The following TTC6 variants were observed in gnomAD, a reference collection of about 807,000 sequenced individuals.
TTC6 encodes the protein tetratricopeptide repeat domain 6, also known as tetratricopeptide repeat protein 6.
A neutral mutation model predicts 210.4 loss-of-function variants in TTC6; 172 were observed. The ratio of observed to expected loss-of-function variants is 0.82; its 90% confidence interval spans 0.72 to 0.93. The LOEUF (loss-of-function observed/expected upper bound fraction) is 0.93. TTC6 is among the 40% of genes least tolerant of loss of function. The pLI is 0.00. For synonymous variants in TTC6, 804 were observed against 819.6 expected, an observed-to-expected ratio of 0.98 and a Z score of 0.32; for missense variants, 2,414 against 2,318.1, an observed-to-expected ratio of 1.04 and a Z score of -0.85.
intron 2 of TTC6, among the ~76,000 whole-genome samples, chr14:37,612,125 C>G (rs574662789): frequency 6.6e-5 from 10 of 152,094 alleles, no homozygotes; most frequent in Non-Finnish European, 1.3e-4. Context: ...TACAGGCATA[C>G]AATTTGATGA....
At chr14:37,842,221 G>A in exon 31 of TTC6, 1 of 1,609,688 alleles carries the variant, frequency 6.2e-7, no homozygotes, top group Non-Finnish European at 8.5e-7. Context: ...GGTAAAATAG[G>A]TCTGATTGAG....
chr14:37,735,854 A>G, intron 7 of TTC6, 67 bp from the exon 10 acceptor site: 2 of 887,472 alleles, frequency 2.3e-6, no homozygotes, highest in Non-Finnish European at 3.4e-6. Flanking sequence ...CTATGAAGTA[A>G]CAGTCATCAT....
chr14:37,630,907 G>GTTTTTTTT (rs746429138), intron 1 of TTC6, among the ~76,000 whole-genome samples: 1 of 33,068 alleles, frequency 3.0e-5, no homozygotes, highest in Non-Finnish European at 5.1e-5. Context: ...GGCAACCCCT[G>GTTTTTTTT]TTTTTTTTTT....
intron 10 of TTC6, among the ~76,000 whole-genome samples, chr14:37,741,433 C>T (rs1397771488): frequency 6.0e-5 from 9 of 151,056 alleles, no homozygotes; most frequent in South Asian, 4.2e-4. Flanking sequence ...GGAGTACAGG[C>T]GTGTGCCACC....
chr14:37,784,084 G>A (rs1227710323), intron 14 of TTC6, among the ~76,000 whole-genome samples: 1 of 152,184 alleles, frequency 6.6e-6, no homozygotes, highest in African/African-American at 2.4e-5. Flanking sequence ...GTCCGATGTG[G>A]TGCTGAGAAG....
At chr14:37,827,221 C>G in exon 29 of TTC6, 1 of 1,612,584 alleles carries the variant, frequency 6.2e-7, no homozygotes. Flanking sequence ...GAATTCTTAA[C>G]AAATCGTGGG....
At chr14:37,653,969 T>A (rs542893975) in intron 1 of TTC6, among the ~76,000 whole-genome samples, 8 of 152,354 alleles carry the variant, frequency 5.3e-5, no homozygotes, top group African/African-American at 1.9e-4. Flanking sequence ...ATGTCCAAAG[T>A]AAACTTCCTT....
At chr14:37,842,513 C>T (rs1375900258), downstream of TTC6, 3 of 339,374 alleles carry the variant, frequency 8.8e-6, no homozygotes, top group African/African-American at 6.3e-5. Flanking sequence ...TGAATTTTTC[C>T]AAGGTTGCAG....
At chr14:37,770,479 G>T (rs902953297) in intron 14 of TTC6, among the ~76,000 whole-genome samples, 1 of 151,476 alleles carries the variant, frequency 6.6e-6, no homozygotes, top group Non-Finnish European at 1.5e-5. Flanking sequence ...TTATGAATCT[G>T]GGTGCTCCTG....
At chr14:37,768,388 G>T (rs1328255866) in intron 14 of TTC6, among the ~76,000 whole-genome samples, 1 of 151,644 alleles carries the variant, frequency 6.6e-6, no homozygotes, top group African/African-American at 2.4e-5. Flanking sequence ...AAATTACCTT[G>T]GGAAGTATGG....
At chr14:37,703,869 A>T (rs1197892307) in intron 5 of TTC6, among the ~76,000 whole-genome samples, 1 of 152,156 alleles carries the variant, frequency 6.6e-6, no homozygotes, top group Non-Finnish European at 1.5e-5. Context: ...TTTAGTTCAA[A>T]TTTTTGGTAT....
chr14:37,805,349 G>A (rs2096115828), intron 21 of TTC6, among the ~76,000 whole-genome samples: 1 of 151,236 alleles, frequency 6.6e-6, no homozygotes, highest in South Asian at 2.1e-4. Context: ...TCACTGATAT[G>A]ACAAATATGT....
At chr14:37,759,209 G>A (rs961692207) in intron 14 of TTC6, among the ~76,000 whole-genome samples, 1 of 150,150 alleles carries the variant, frequency 6.7e-6, no homozygotes, top group African/African-American at 2.5e-5. Context: ...GTTGCAATGA[G>A]CCGAGATCGC....
At chr14:37,680,189 A>G in exon 2 of TTC6, 1 of 1,533,928 alleles carries the variant, frequency 6.5e-7, no homozygotes, top group Non-Finnish European at 8.7e-7. Context: ...TCAAAACATC[A>G]CCTATGCAAG....
intron 14 of TTC6, among the ~76,000 whole-genome samples, chr14:37,784,276 A>G (rs1342337942): frequency 3.9e-5 from 6 of 152,148 alleles, no homozygotes; most frequent in Non-Finnish European, 5.9e-5. Context: ...GTAGGTCTCT[A>G]AGGACTTGCT....
intron 29 of TTC6, among the ~76,000 whole-genome samples, chr14:37,833,074 T>C (rs989620068): frequency 2.4e-5 from 3 of 126,924 alleles, no homozygotes; most frequent in Non-Finnish European, 5.1e-5. Flanking sequence ...AAAAAAAGAA[T>C]GAGTATTCTG....
At chr14:37,783,161 A>T (rs1350618748) in intron 14 of TTC6, among the ~76,000 whole-genome samples, 1 of 152,160 alleles carries the variant, frequency 6.6e-6, no homozygotes, top group Non-Finnish European at 1.5e-5. Flanking sequence ...GTTAGGGAGA[A>T]TTCCCTCTTT....
chr14:37,808,710 C>T, intron 23 of TTC6, 23 bp from the exon 26 acceptor site: 1 of 1,201,168 alleles, frequency 8.3e-7, no homozygotes, highest in East Asian at 2.8e-5. Flanking sequence ...TCCTTTCTCA[C>T]ATAATTACTT....
chr14:37,780,351 G>A (rs1239738356), intron 14 of TTC6, among the ~76,000 whole-genome samples: 1 of 152,090 alleles, frequency 6.6e-6, no homozygotes, highest in African/African-American at 2.4e-5. Context: ...CCATCACCTA[G>A]GTGTTAAGCC....
Sources: gnomAD v4.1 joint callset for allele counts (sites outside exome capture counted in the v4.1 genomes callset) on GRCh38, gnomAD v4.1.1 for gene constraint, MANE v1.5 for transcripts, NCBI Gene and HGNC (gene_info 2026-07-23, HGNC 2026-07-21) for gene names.